DPY19L2: variants seen among roughly 807,000 people sequenced by gnomAD.
The protein encoded by DPY19L2 is probable C-mannosyltransferase DPY19L2.
DPY19L2 carries 34 observed loss-of-function variants against 97.9 expected under a neutral mutation model. The observed-to-expected ratio is 0.35, with a 90% CI of 0.26 to 0.46. DPY19L2 has a LOEUF of 0.46. Ranked by LOEUF, DPY19L2 falls within the 20% of genes least tolerant of loss-of-function variation. The pLI is 1.00. For missense variants in DPY19L2, 623 were observed against 911.4 expected (o/e 0.68, Z 4.07); for synonymous variants, 230 against 307.9 (o/e 0.75, Z 2.65).
intron 4 of DPY19L2, chr12:63,651,834 A>T (rs1415888911): frequency 3.1e-6 from 1 of 319,886 alleles, no homozygotes; most frequent in Non-Finnish European, 6.1e-6. Context: ...GGCTGTCAGC[A>T]GCGATGGGTA....
intron 3 of DPY19L2, among the ~76,000 whole-genome samples, chr12:63,661,897 C>T (rs1895722984): frequency 6.6e-6 from 1 of 152,082 alleles, no homozygotes; most frequent in South Asian, 2.1e-4. Context: ...TAGAAAATTA[C>T]TTTTTTTCCC....
At position 63,580,882 on chromosome 12, in the gene DPY19L2, A is replaced by G. The variant is rs758268575; in HGVS notation, c.1726-46T>C. The stretch of plus-strand genomic sequence containing the variant: ...TATTTCTAGTTCTTATATGAAGAGT[A>G]CCGTAGGGTCAACAATAAATTCTCA... On this transcript the variant is annotated intron_variant, in intron 18 of 21. Transcript: ENST00000324472. 4 of 1,571,820 alleles carry G rather than the reference A, an allele frequency of 2.5e-6. No homozygotes were observed. In the African/African-American group the frequency reaches 5.5e-5, roughly 22 times the overall value.
chr12:63,586,897 C>T (rs565829229), intron 16 of DPY19L2, among the ~76,000 whole-genome samples: 16 of 151,796 alleles, frequency 1.1e-4, no homozygotes, highest in South Asian at 6.2e-4. Flanking sequence ...TTGAAAAGCA[C>T]GATGAATAGA....
chr12:63,665,338 T>TTACA (rs1205454846), intron 2 of DPY19L2, among the ~76,000 whole-genome samples: 5 of 152,150 alleles, frequency 3.3e-5, no homozygotes, highest in Middle Eastern at 3.4e-3. Flanking sequence ...CTGGGTGTGA[T>TTACA]GGTGCACACC....
intron 18 of DPY19L2, among the ~76,000 whole-genome samples, chr12:63,581,348 A>C (rs1197362843): frequency 6.6e-6 from 1 of 152,098 alleles, no homozygotes; most frequent in Non-Finnish European, 1.5e-5. Context: ...TGTATGTTAG[A>C]TAACAGTGAT....
At chr12:63,622,219 A>G (rs1415769813) in intron 8 of DPY19L2, among the ~76,000 whole-genome samples, 1 of 152,168 alleles carries the variant, frequency 6.6e-6, no homozygotes, top group African/African-American at 2.4e-5. Flanking sequence ...TAATTAAGAC[A>G]TTTTATTCCA....
chr12:63,571,919 A>G (rs1878933187), intron 19 of DPY19L2, among the ~76,000 whole-genome samples: 1 of 152,176 alleles, frequency 6.6e-6, no homozygotes, highest in Non-Finnish European at 1.5e-5. Flanking sequence ...CAAAGATAAG[A>G]CATTATTCAG....
intron 9 of DPY19L2, among the ~76,000 whole-genome samples, chr12:63,618,594 G>A (rs1888204356): frequency 6.6e-6 from 1 of 151,908 alleles, no homozygotes; most frequent in South Asian, 2.1e-4. Flanking sequence ...CCAACAAGCT[G>A]AGCAGGCATT....
chr12:63,598,308 G>T (rs1289714976), intron 13 of DPY19L2, among the ~76,000 whole-genome samples: 1 of 152,088 alleles, frequency 6.6e-6, no homozygotes, highest in Non-Finnish European at 1.5e-5. Context: ...AGCTTTCTGT[G>T]CACTGTCATT....
intron 12 of DPY19L2, among the ~76,000 whole-genome samples, chr12:63,607,204 G>A (rs1384498019): frequency 6.6e-6 from 1 of 151,934 alleles, no homozygotes; most frequent in Non-Finnish European, 1.5e-5. Flanking sequence ...ATTTTCCTTT[G>A]AGTGCAGCCT....
chr12:63,659,602 T>C (rs1344881655), intron 4 of DPY19L2, among the ~76,000 whole-genome samples: 1 of 151,966 alleles, frequency 6.6e-6, no homozygotes, highest in South Asian at 2.1e-4. Flanking sequence ...ATCAAGACAG[T>C]GTGGTATTGG....
chr12:63,668,278 T>C lies in DPY19L2; in HGVS notation c.116A>G (p.Lys39Arg). 1 of 1,613,854 alleles carries C rather than the reference T, an allele frequency of 6.2e-7. No homozygotes were observed. Among genetic ancestry groups the C allele is most frequent in the African/African-American group, 1.3e-5 (1 of 75,008 alleles). Residue 39 changes from lysine to arginine, a missense_variant, in exon 1 of 22, where the codon AAG becomes AGG. Physicochemically the swap from Lys to Arg is conservative, Grantham distance 26. Around this residue, in one of 6 missense-constraint regions of DPY19L2, gnomAD observed 144 missense variants for 119.4 expected, o/e 1.21. Coordinates refer to ENST00000324472, the MANE Select transcript of DPY19L2 (RefSeq NM_173812.5). The stretch of plus-strand genomic sequence containing the variant: ...CAGTTTCCCGCCGCCTAGGGCCGAC[T>C]TTTCCATCTCCTCCTCTACCTCCGG... ...REPEVEEEMEKSALGGGKLPR... is the reference protein window; with the variant it reads ...REPEVEEEMERSALGGGKLPR...
Position 63,559,710 on chromosome 12 carries a change from T to C in DPY19L2, c.*802A>G, listed in dbSNP as rs1210082875. On this transcript the variant is annotated 3_prime_UTR_variant, in exon 22 of 22. Transcript: ENST00000324472. Reference sequence around the variant, plus strand: ...GGATCTGAAAATCTCACTTCATAAATTTAACTGGATTTTCTTTTCTGATTA... The same window carrying C: ...GGATCTGAAAATCTCACTTCATAAACTTAACTGGATTTTCTTTTCTGATTA... 1.3e-5 allele frequency: 2 copies of C among 152,144 alleles called. No homozygotes were observed. The highest frequency in any genetic ancestry group is 2.9e-5 in the Non-Finnish European group (2 of 68,014). 9.4% of individuals were successfully genotyped at this position (152,144 alleles called of 1,614,324 possible). A position where few individuals can be genotyped will look rare whatever the true frequency, so the allele number is the denominator to read the frequency against.
chr12:63,584,456 T>C (rs1881440756), intron 16 of DPY19L2, among the ~76,000 whole-genome samples: 1 of 152,208 alleles, frequency 6.6e-6, no homozygotes. Context: ...TTCAGTTACC[T>C]GTGGCTAACT....
At chr12:63,579,186 GCCTA>G (rs1880431196) in intron 19 of DPY19L2, among the ~76,000 whole-genome samples, 1 of 152,124 alleles carries the variant, frequency 6.6e-6, no homozygotes, top group Non-Finnish European at 1.5e-5. Context: ...TCTCCATTTA[GCCTA>G]CTATACAGAT....
intron 19 of DPY19L2, among the ~76,000 whole-genome samples, chr12:63,571,837 C>T (rs1393947114): frequency 6.6e-6 from 1 of 152,130 alleles, no homozygotes; most frequent in African/African-American, 2.4e-5. Context: ...CTTCCTGGTA[C>T]TTTTGTATAA....
Position 63,621,259 on chromosome 12 carries a change from A to G in DPY19L2, c.1032T>C (p.Ala344=). The G allele has an allele frequency of 9.2e-7, 1 of 1,081,858 alleles. No individual in the cohort carries two copies. The highest frequency in any genetic ancestry group is 1.4e-6 in the Non-Finnish European group (1 of 726,330). The allele number at this position is 1,081,858 out of a possible 1,614,324, so 67.0% of individuals were successfully genotyped here. A position where few individuals can be genotyped will look rare whatever the true frequency, so the allele number is the denominator to read the frequency against. Residue 344 remains alanine, a synonymous_variant, in exon 9 of 22, where the codon GCT becomes GCC. Transcript: ENST00000324472. The stretch of plus-strand genomic sequence containing the variant: ...TTACCTGTGTAAAAAGTATAAACTG[A>G]GCAAATTGCCAGGGAAGCATAAAAG... ...NVAFMLPWQF[A]QFILFTQIAS... is the part of the protein sequence containing the mutation.
At chr12:63,661,589 T>G in intron 3 of DPY19L2, 108 bp from the exon 4 acceptor site, 1 of 810,124 alleles carries the variant, frequency 1.2e-6, no homozygotes, top group Non-Finnish European at 1.8e-6. Flanking sequence ...AGGTTAATAA[T>G]AAGACTTCCT....
chr12:63,656,624 T>A (rs1305310981), intron 4 of DPY19L2, among the ~76,000 whole-genome samples: 1 of 152,152 alleles, frequency 6.6e-6, no homozygotes, highest in Non-Finnish European at 1.5e-5. Context: ...GTCATTTATT[T>A]TTCAAATGTT....
Sources: gnomAD v4.1 joint callset for allele counts (sites outside exome capture counted in the v4.1 genomes callset) on GRCh38, gnomAD v4.1.1 for gene constraint, gnomAD v4.1.1 regional missense constraint, MANE v1.5 for transcripts, NCBI Gene and HGNC (gene_info 2026-07-23, HGNC 2026-07-21) for gene names.